RAB22A: variants seen among roughly 807,000 people sequenced by gnomAD.
RAB22A encodes the protein ras-related protein Rab-22A.
In RAB22A, 13 loss-of-function variants were observed where a neutral mutation model predicts 30.2. That is an observed-to-expected ratio of 0.43 (90% CI 0.28 to 0.68). The LOEUF (loss-of-function observed/expected upper bound fraction) is 0.68, where lower values mean the gene tolerates loss of function less well. RAB22A is among the 30% of genes least tolerant of loss of function. RAB22A has a pLI of 0.18. For missense variants in RAB22A, 177 were observed against 246.8 expected (o/e 0.72, Z 1.89); for synonymous variants, 89 against 87.2 (o/e 1.02, Z -0.11).
intron 3 of RAB22A, among the ~76,000 whole-genome samples, chr20:58,348,135 G>C (rs1014266087): frequency 1.9e-4 from 29 of 152,104 alleles, no homozygotes; most frequent in Admixed American, 4.6e-4. Flanking sequence ...GCTGAGGCAG[G>C]AGAATCACTT....
intron 6 of RAB22A, among the ~76,000 whole-genome samples, chr20:58,358,424 CT>C (rs1987169246): frequency 6.6e-6 from 1 of 152,214 alleles, no homozygotes; most frequent in Non-Finnish European, 1.5e-5. Flanking sequence ...ATACCGTGAC[CT>C]AGCTCTTCCA....
At chr20:58,313,040 T>A (rs1174104031) in intron 2 of RAB22A, among the ~76,000 whole-genome samples, 3 of 152,016 alleles carry the variant, frequency 2.0e-5, no homozygotes, top group African/African-American at 7.2e-5. Context: ...TCACACTGAG[T>A]CAGAGCTGAA....
intron 3 of RAB22A, among the ~76,000 whole-genome samples, chr20:58,348,809 A>G (rs1283471600): frequency 3.3e-5 from 5 of 152,110 alleles, no homozygotes; most frequent in Non-Finnish European, 7.4e-5. Flanking sequence ...AAAAAATCGC[A>G]AAAACAGCTC....
chr20:58,320,865 G>A (rs1296293104), intron 2 of RAB22A, among the ~76,000 whole-genome samples: 1 of 152,106 alleles, frequency 6.6e-6, no homozygotes, highest in Non-Finnish European at 1.5e-5. Flanking sequence ...AGACCAGCCT[G>A]GCCAACATGG....
intron 2 of RAB22A, among the ~76,000 whole-genome samples, chr20:58,328,423 ATCC>A (rs1169984756): frequency 2.6e-5 from 4 of 152,234 alleles, no homozygotes; most frequent in African/African-American, 7.2e-5. Context: ...GACTCAAGCA[ATCC>A]TCCTGTCTTG....
At chr20:58,343,010 C>CCT (rs1292025642) in intron 2 of RAB22A, among the ~76,000 whole-genome samples, 1 of 152,144 alleles carries the variant, frequency 6.6e-6, no homozygotes, top group East Asian at 1.9e-4. Context: ...GTCAGAGTGC[C>CCT]CTGGGCAGAG....
chr20:58,334,790 C>T (rs555079067), intron 2 of RAB22A, among the ~76,000 whole-genome samples: 1 of 147,466 alleles, frequency 6.8e-6, no homozygotes, highest in South Asian at 2.1e-4. Context: ...AGTGTTGAAT[C>T]AAAATGTATG....
intron 2 of RAB22A, among the ~76,000 whole-genome samples, chr20:58,316,495 G>A (rs562809361): frequency 1.2e-3 from 177 of 151,190 alleles, no homozygotes; most frequent in African/African-American, 4.1e-3. Context: ...CCTCTTCCAG[G>A]ATTCCAGGAA....
Position 58,367,445 on chromosome 20 carries a change from C to G in RAB22A, c.*7742C>G, listed in dbSNP as rs938065356. 1.3e-5 allele frequency: 2 copies of G among 152,570 alleles called. No homozygotes were observed. The highest frequency in any genetic ancestry group is 4.8e-5 in the African/African-American group (2 of 41,426). 9.5% of individuals were successfully genotyped at this position (152,570 alleles called of 1,614,324 possible). A position where few individuals can be genotyped will look rare whatever the true frequency, so the allele number is the denominator to read the frequency against. On this transcript the variant is annotated 3_prime_UTR_variant, in exon 7 of 7. Coordinates refer to ENST00000244040, the MANE Select transcript of RAB22A (RefSeq NM_020673.3). ...TTTTATAGAGTATAACATGCTAAAT[C>G]ACTGTTTTGTTGTAAGAAGGGTGTA... is the stretch of plus-strand genomic sequence containing the variant.
intron 2 of RAB22A, among the ~76,000 whole-genome samples, chr20:58,325,486 A>C (rs982232373): frequency 2.0e-5 from 3 of 152,214 alleles, no homozygotes; most frequent in Non-Finnish European, 2.9e-5. Flanking sequence ...CAAAAAAAAA[A>C]CAAAAAACTT....
intron 4 of RAB22A, 26 bp downstream of exon 4, chr20:58,353,370 T>G (rs751077153): frequency 6.2e-7 from 1 of 1,610,792 alleles, no homozygotes; most frequent in South Asian, 1.1e-5. Context: ...TTTCTTTAGA[T>G]TGTTTTGAAA....
At chr20:58,337,770 C>G (rs919435363) in intron 2 of RAB22A, among the ~76,000 whole-genome samples, 1 of 152,154 alleles carries the variant, frequency 6.6e-6, no homozygotes, top group African/African-American at 2.4e-5. Context: ...ATCCTAACTG[C>G]ACCTCTCACC....
chr20:58,328,894 C>T (rs1986614241), intron 2 of RAB22A, among the ~76,000 whole-genome samples: 1 of 152,134 alleles, frequency 6.6e-6, no homozygotes, highest in Admixed American at 6.6e-5. Context: ...CACATATTAG[C>T]ATTACCATTG....
intron 2 of RAB22A, among the ~76,000 whole-genome samples, chr20:58,320,788 G>A (rs552427228): frequency 6.6e-6 from 1 of 152,186 alleles, no homozygotes; most frequent in Non-Finnish European, 1.5e-5. Flanking sequence ...AGGTGCGGTG[G>A]TTCGCACCTA....
intron 2 of RAB22A, among the ~76,000 whole-genome samples, 169 bp from the exon 3 acceptor site, chr20:58,343,549 A>G (rs527435253): frequency 4.6e-5 from 7 of 152,224 alleles, no homozygotes; most frequent in Admixed American, 1.3e-4. Flanking sequence ...GACGGAGGAT[A>G]TGCACTCAGC....
At chr20:58,348,237 A>T (rs1600738975) in intron 3 of RAB22A, among the ~76,000 whole-genome samples, 2 of 152,250 alleles carry the variant, frequency 1.3e-5, no homozygotes, top group East Asian at 1.9e-4. Context: ...AAAAAAAAAA[A>T]GCTTCCTAAC....
chr20:58,336,666 A>C (rs1424381826), intron 2 of RAB22A, among the ~76,000 whole-genome samples: 1 of 152,230 alleles, frequency 6.6e-6, no homozygotes. Flanking sequence ...AACATAATGC[A>C]AATGGTACAT....
intron 6 of RAB22A, among the ~76,000 whole-genome samples, chr20:58,354,936 A>C (rs1358937851): frequency 6.6e-6 from 1 of 152,264 alleles, no homozygotes; most frequent in Non-Finnish European, 1.5e-5. Flanking sequence ...GGATCATTTC[A>C]GATCATAATA....
rs1215650438 is a variant in RAB22A, at chr20:58,311,131, CTT to C, written c.116+12_116+13del. On this transcript the variant is annotated intron_variant, in intron 2 of 6. Transcript: ENST00000244040. ...ATCAACCCAACAATAGGGTAAGAGACTTTTATTTGATACACATCTAAAGGTGC... is the reference window on the plus strand; with the variant it reads ...ATCAACCCAACAATAGGGTAAGAGACTTATTTGATACACATCTAAAGGTGC... 2.6e-6 allele frequency: 4 copies of C among 1,562,112 alleles called. No individual in the cohort carries two copies. The East Asian group carries it at 9.0e-5, about 35-fold the overall frequency.
Sources: gnomAD v4.1 joint callset for allele counts (sites outside exome capture counted in the v4.1 genomes callset) on GRCh38, gnomAD v4.1.1 for gene constraint, MANE v1.5 for transcripts, NCBI Gene and HGNC (gene_info 2026-07-23, HGNC 2026-07-21) for gene names.